Variants in LAMA2 observed in about 807,000 individuals in gnomAD.
The protein encoded by LAMA2 is laminin subunit alpha 2.
A neutral mutation model predicts 364.8 loss-of-function variants in LAMA2; 269 were observed. That is an observed-to-expected ratio of 0.74 (90% CI 0.67 to 0.82). The LOEUF is 0.82. Ranked by LOEUF, LAMA2 falls within the 40% of genes least tolerant of loss-of-function variation. LAMA2 has a pLI of 0.00. For missense variants in LAMA2, 3,807 were observed against 3,873.2 expected, an observed-to-expected ratio of 0.98 and a Z score of 0.45; for synonymous variants, 1,379 against 1,370.6, an observed-to-expected ratio of 1.01 and a Z score of -0.14.
intron 1 of LAMA2, among the ~76,000 whole-genome samples, chr6:128,910,345 C>CT (rs1434812571): frequency 6.6e-6 from 1 of 152,128 alleles, no homozygotes; most frequent in Non-Finnish European, 1.5e-5. Context: ...TCTTTTTATT[C>CT]TTTTTTCTCT....
intron 37 of LAMA2, among the ~76,000 whole-genome samples, chr6:129,395,943 A>C (rs1356222881): frequency 6.6e-6 from 1 of 152,210 alleles, no homozygotes; most frequent in East Asian, 1.9e-4. Context: ...GGATAGAAAG[A>C]AAGAGAAGAT....
chr6:129,034,777 A>G (rs983714279), intron 1 of LAMA2, among the ~76,000 whole-genome samples: 1 of 152,156 alleles, frequency 6.6e-6, no homozygotes, highest in Non-Finnish European at 1.5e-5. Flanking sequence ...CTCCAGCTCC[A>G]TCCATGTTGC....
In LAMA2 at chr6:129,107,918, C is replaced by A. The variant is rs145981168; in HGVS notation, c.639+9503C>A. On this transcript the variant is annotated intron_variant, in intron 4 of 64. Coordinates refer to ENST00000421865, the MANE Select transcript of LAMA2 (RefSeq NM_000426.4). ...CTGCCCTATAAGCTCAGGAGTCCCC[C>A]CTCCTAGCAGTTCCTGCTGAAGCTC... Among the ~76,000 whole-genome samples, 1,349 of 152,206 alleles carry A rather than the reference C, an allele frequency of 8.9e-3. 26 individuals carry two copies. Among genetic ancestry groups the A allele is most frequent in the African/African-American group, 0.031 (1,303 of 41,528 alleles).
intron 32 of LAMA2, among the ~76,000 whole-genome samples, chr6:129,363,262 C>A (rs1777572019): frequency 6.6e-6 from 1 of 152,118 alleles, no homozygotes; most frequent in Admixed American, 6.5e-5. Flanking sequence ...CATGATCACA[C>A]CACTGTACTC....
At chr6:129,402,734 G>A (rs1188753626) in intron 39 of LAMA2, among the ~76,000 whole-genome samples, 2 of 152,114 alleles carry the variant, frequency 1.3e-5, no homozygotes, top group Non-Finnish European at 2.9e-5. Context: ...CATAGCCCTA[G>A]GCTACACTTA....
chr6:129,287,884 G>C lies in LAMA2; in HGVS notation c.2575G>C (p.Gly859Arg), dbSNP rs369266370. 30 of 1,613,912 alleles carry C rather than the reference G, an allele frequency of 1.9e-5. No homozygotes were observed. Among genetic ancestry groups the C allele is most frequent in the African/African-American group, 6.7e-5 (5 of 74,880 alleles). The stretch of plus-strand genomic sequence containing the variant: ...CTATTTTGGACAACCCTCTGTACCT[G>C]GAGGATCATGTCAGCCATGCCAATG... ...EGYFGQPSVP[G>R]GSCQPCQCND... is the part of the protein sequence containing the mutation. Residue 859 changes from glycine (G) to arginine (R), a missense_variant, in exon 19 of 65, where the codon GGA (glycine) becomes CGA (arginine). Gly to Arg is a moderately radical substitution (Grantham distance 125, BLOSUM62 -2). Transcript: ENST00000421865.
intron 40 of LAMA2, among the ~76,000 whole-genome samples, chr6:129,423,199 A>AT (rs969032074): frequency 6.6e-6 from 1 of 151,940 alleles, no homozygotes; most frequent in African/African-American, 2.4e-5. Flanking sequence ...ATAAAAACCT[A>AT]TTTTTTAAAA....
intron 7 of LAMA2, among the ~76,000 whole-genome samples, chr6:129,152,722 A>G (rs745934641): frequency 1.3e-5 from 2 of 152,166 alleles, no homozygotes; most frequent in African/African-American, 2.4e-5. Context: ...TCCACCCGGC[A>G]TCCTTGTCCT....
intron 12 of LAMA2, among the ~76,000 whole-genome samples, chr6:129,238,576 T>TGTGA (rs1334320432): frequency 4.6e-5 from 3 of 64,766 alleles, no homozygotes; most frequent in African/African-American, 1.2e-4. Flanking sequence ...TGTGTGTGTG[T>TGTGA]GAGAGAGAGA....
intron 8 of LAMA2, among the ~76,000 whole-genome samples, chr6:129,160,197 A>C (rs138026038): frequency 6.6e-6 from 1 of 152,138 alleles, no homozygotes; most frequent in Non-Finnish European, 1.5e-5. Flanking sequence ...ATGCTTGATA[A>C]AATTTCCTAG....
At chr6:129,014,824 A>G (rs1784976613) in intron 1 of LAMA2, among the ~76,000 whole-genome samples, 3 of 152,086 alleles carry the variant, frequency 2.0e-5, no homozygotes, top group South Asian at 2.1e-4. Context: ...AACAAAGGAT[A>G]TAAAATCTAA....
At chr6:129,248,499 G>A (rs185578141) in intron 12 of LAMA2, among the ~76,000 whole-genome samples, 11 of 152,186 alleles carry the variant, frequency 7.2e-5, no homozygotes, top group Admixed American at 5.2e-4. Context: ...AGCATATGTG[G>A]TGATTTCATA....
At chr6:129,316,633 C>T (rs905493857) in intron 27 of LAMA2, among the ~76,000 whole-genome samples, 2 of 152,156 alleles carry the variant, frequency 1.3e-5, no homozygotes, top group Non-Finnish European at 2.9e-5. Context: ...CCCTATGCAT[C>T]ATGTTGAGAA....
In LAMA2 at chr6:129,297,661, T is replaced by A; in HGVS notation, c.2857-24T>A. 2.5e-6 allele frequency: 4 copies of A among 1,611,368 alleles called. No homozygotes were observed. In the South Asian group the frequency reaches 4.4e-5, roughly 18 times the overall value. ...TCGAGTTAACTGATTTAAATTTAAT[T>A]TTTCTCTCCTCTTCCATTGCCAGGC... On this transcript the variant is annotated intron_variant, in intron 20 of 64. Transcript: ENST00000421865.
chr6:128,905,607 T>C (rs895696105), intron 1 of LAMA2: 1 of 152,000 alleles, frequency 6.6e-6, no homozygotes, highest in African/African-American at 2.4e-5. Context: ...GTTTGTTTTT[T>C]TCGTTTTTTT....
intron 63 of LAMA2, 73 bp from the exon 64 acceptor site, chr6:129,514,300 A>G: frequency 9.3e-7 from 1 of 1,079,718 alleles, no homozygotes; most frequent in Non-Finnish European, 1.4e-6. Flanking sequence ...AGACCTGATC[A>G]TTTGTATGTG....
intron 5 of LAMA2, 73 bp from the exon 6 acceptor site, chr6:129,146,886 C>T: frequency 1.1e-6 from 1 of 923,646 alleles, no homozygotes; most frequent in Non-Finnish European, 1.8e-6. Flanking sequence ...AAAGTTTTTA[C>T]TGAATGTCCC....
Position 128,909,997 on chromosome 6 carries a change from G to A in LAMA2, c.112+26640G>A, listed in dbSNP as rs181075522. 2.2e-3 allele frequency among the ~76,000 whole-genome samples: 342 copies of A among 152,032 alleles called. 2 individuals carry two copies. The highest frequency in any genetic ancestry group is 0.017 in the Middle Eastern group (5 of 294). ...TCTTCTGGCTTGTAGGGTTTCTGCC[G>A]AGAGATCTGCTGTTAGTCTGATGGG... On this transcript the variant is annotated intron_variant, in intron 1 of 64. Transcript: ENST00000421865.
rs866999516 is a variant in LAMA2, at chr6:129,127,303, T to G, written c.640-16598T>G. 3.3e-5 allele frequency among the ~76,000 whole-genome samples: 5 copies of G among 152,344 alleles called. No individual in the cohort carries two copies. In the Middle Eastern group the frequency reaches 0.014, roughly 415 times the overall value. ...TCACTCACTCCTTCTAAGAATTTGA[T>G]TGTTTTACATTTCACATGCAAGGGA... On this transcript the variant is annotated intron_variant, in intron 4 of 64. Coordinates refer to ENST00000421865, the MANE Select transcript of LAMA2 (RefSeq NM_000426.4).
Sources: allele counts gnomAD v4.1 joint callset (sites outside exome capture counted in the v4.1 genomes callset), GRCh38; gene constraint gnomAD v4.1.1; transcripts MANE v1.5; gene names NCBI Gene and HGNC (gene_info 2026-07-23, HGNC 2026-07-21).